Variants in CACNA2D3 observed in about 807,000 individuals in gnomAD.
The protein encoded by CACNA2D3 is voltage-dependent calcium channel subunit alpha-2/delta-3.
In CACNA2D3, 60 loss-of-function variants were observed where a neutral mutation model predicts 160.6. The ratio of observed to expected loss-of-function variants is 0.37; its 90% CI spans 0.30 to 0.46. The LOEUF (loss-of-function observed/expected upper bound fraction) is 0.46, where lower values mean the gene tolerates loss of function less well. CACNA2D3 is among the 20% of genes least tolerant of loss of function. The pLI is 1.00. For missense variants in CACNA2D3, 1,205 were observed against 1,365.0 expected, an observed-to-expected ratio of 0.88 and a Z score of 1.85; for synonymous variants, 558 against 492.9, an observed-to-expected ratio of 1.13 and a Z score of -1.75.
chr3:54,134,648 G>A (rs1699783386), intron 2 of CACNA2D3, among the ~76,000 whole-genome samples: 2 of 152,202 alleles, frequency 1.3e-5, no homozygotes, highest in East Asian at 3.9e-4. Context: ...AGCTACAACA[G>A]TCCAGCCCCA....
intron 3 of CACNA2D3, among the ~76,000 whole-genome samples, chr3:54,346,917 A>G (rs940122525): frequency 9.2e-5 from 14 of 152,240 alleles, no homozygotes; most frequent in Admixed American, 5.2e-4. Flanking sequence ...TGTGCACAAC[A>G]TAAAGTTTAC....
chr3:54,494,253 A>G (rs1364230806), intron 4 of CACNA2D3, among the ~76,000 whole-genome samples: 1 of 152,236 alleles, frequency 6.6e-6, no homozygotes, highest in Non-Finnish European at 1.5e-5. Flanking sequence ...AATTAGAGCA[A>G]TGCATTCCAA....
At position 54,505,133 on chromosome 3, in the gene CACNA2D3, A is replaced by G. The variant is rs1701348836; in HGVS notation, c.544+1479A>G. ...GTCTCTTTTTCCTGGTTTACCTGTT[A>G]TCCATCCTTAAGAGTCAGTGGAGGC... is the stretch of plus-strand genomic sequence containing the variant. On this transcript the variant is annotated intron_variant, in intron 5 of 37. Transcript: ENST00000474759. 1.3e-5 allele frequency among the ~76,000 whole-genome samples: 2 copies of G among 152,174 alleles called. 1 individual carries two copies. Among genetic ancestry groups the G allele is most frequent in the South Asian group, 4.1e-4 (2 of 4,828 alleles).
intron 13 of CACNA2D3, among the ~76,000 whole-genome samples, chr3:54,778,369 A>T (rs1225312224): frequency 6.6e-6 from 1 of 151,280 alleles, no homozygotes; most frequent in Non-Finnish European, 1.5e-5. Flanking sequence ...AGTCTCTAGA[A>T]CCAGCCCTGT....
chr3:54,268,836 T>C (rs2107448495), intron 2 of CACNA2D3, among the ~76,000 whole-genome samples: 1 of 152,270 alleles, frequency 6.6e-6, no homozygotes, highest in African/African-American at 2.4e-5. Context: ...AATGATTATG[T>C]CATAGGAAAT....
chr3:54,356,195 T>C (rs1422372736), intron 3 of CACNA2D3, among the ~76,000 whole-genome samples: 1 of 152,140 alleles, frequency 6.6e-6, no homozygotes, highest in East Asian at 1.9e-4. Flanking sequence ...ATAGGTTAAT[T>C]GTCATTCACC....
chr3:54,805,483 C>T (rs1205970343), intron 13 of CACNA2D3, among the ~76,000 whole-genome samples: 3 of 152,130 alleles, frequency 2.0e-5, no homozygotes, highest in East Asian at 1.9e-4. Flanking sequence ...ACACATACAC[C>T]CTCCCAAGAC....
chr3:55,014,912 G>A (rs187195351), intron 34 of CACNA2D3, among the ~76,000 whole-genome samples: 38 of 152,314 alleles, frequency 2.5e-4, no homozygotes, highest in Non-Finnish European at 4.7e-4. Flanking sequence ...GGCTTTACAC[G>A]ATAATTCACG....
intron 10 of CACNA2D3, among the ~76,000 whole-genome samples, chr3:54,636,015 G>A (rs1315693109): frequency 6.6e-6 from 1 of 151,934 alleles, no homozygotes; most frequent in East Asian, 1.9e-4. Flanking sequence ...AGTCCTGGGT[G>A]GGGGCAAATC....
intron 11 of CACNA2D3, among the ~76,000 whole-genome samples, chr3:54,720,032 A>AT (rs1378504385): frequency 6.6e-6 from 1 of 151,456 alleles, no homozygotes; most frequent in African/African-American, 2.4e-5. Flanking sequence ...GTTTTCACTC[A>AT]TTTTTTCTAA....
intron 5 of CACNA2D3, among the ~76,000 whole-genome samples, chr3:54,536,930 A>G (rs1701898563): frequency 6.6e-6 from 1 of 151,990 alleles, no homozygotes; most frequent in Non-Finnish European, 1.5e-5. Flanking sequence ...GGCTGTCTCC[A>G]CCTCACCTCG....
chr3:55,029,252 C>G (rs1317631857), intron 35 of CACNA2D3, among the ~76,000 whole-genome samples: 1 of 152,166 alleles, frequency 6.6e-6, no homozygotes, highest in East Asian at 1.9e-4. Flanking sequence ...TCTGGGCTAC[C>G]ACACTTACTA....
At chr3:54,195,882 C>T (rs972604143) in intron 2 of CACNA2D3, among the ~76,000 whole-genome samples, 1 of 152,108 alleles carries the variant, frequency 6.6e-6, no homozygotes, top group African/African-American at 2.4e-5. Flanking sequence ...AAGTGAAAAC[C>T]CTGTTCATAA....
At chr3:54,335,865 G>A (rs1355293804) in intron 3 of CACNA2D3, among the ~76,000 whole-genome samples, 1 of 149,704 alleles carries the variant, frequency 6.7e-6, no homozygotes, top group East Asian at 1.9e-4. Context: ...TTAACCAGCT[G>A]TGGTGGTGCA....
At chr3:54,715,374 C>CT (rs1490216836) in intron 11 of CACNA2D3, among the ~76,000 whole-genome samples, 1 of 152,186 alleles carries the variant, frequency 6.6e-6, no homozygotes, top group Non-Finnish European at 1.5e-5. Flanking sequence ...GCACCACACT[C>CT]TAAGAACCTC....
At chr3:54,880,760 C>T (rs1575527667) in intron 20 of CACNA2D3, 36 bp from the exon 21 acceptor site, 1 of 1,567,520 alleles carries the variant, frequency 6.4e-7, no homozygotes, top group Non-Finnish European at 8.8e-7. Flanking sequence ...GAGTCGATGC[C>T]AGGGATTTCA....
chr3:54,691,840 TTAAAG>T (rs1700577577), intron 11 of CACNA2D3, among the ~76,000 whole-genome samples: 1 of 152,188 alleles, frequency 6.6e-6, no homozygotes, highest in African/African-American at 2.4e-5. Flanking sequence ...CTTCAGGAAA[TTAAAG>T]AGAATGCAGT....
rs116383035 is a variant in CACNA2D3, at chr3:55,005,996, A to C, written c.2766+1158A>C. Among the ~76,000 whole-genome samples the C allele has an allele frequency of 3.0e-3, 454 of 152,326 alleles. 1 individual carries two copies. Among genetic ancestry groups the C allele is most frequent in the Non-Finnish European group, 5.4e-3 (368 of 68,026 alleles). On this transcript the variant is annotated intron_variant, in intron 32 of 37. Transcript: ENST00000474759. ...CAGATAATTAACACGGTTCTCCTAC[A>C]CTGAGGGAGCAAGAAATGATTCAGA...
In CACNA2D3 at chr3:54,226,824, T is replaced by C. The variant is rs78888251; in HGVS notation, c.205-93618T>C. ...CACCTCAGGAAGTTTCTATTTTTTT[T>C]CCAGAAATTTGGCCTCTCAACTTCT... On this transcript the variant is annotated intron_variant, in intron 2 of 37. Coordinates refer to ENST00000474759, the MANE Select transcript of CACNA2D3 (RefSeq NM_018398.3). 3.6e-3 allele frequency among the ~76,000 whole-genome samples: 555 copies of C among 152,320 alleles called. 2 individuals are homozygous for C. The highest frequency in any genetic ancestry group is 0.012 in the African/African-American group (506 of 41,584).
Sources: gnomAD v4.1 joint callset for allele counts (sites outside exome capture counted in the v4.1 genomes callset) on GRCh38, gnomAD v4.1.1 for gene constraint, MANE v1.5 for transcripts, NCBI Gene and HGNC (gene_info 2026-07-23, HGNC 2026-07-21) for gene names.